AGBL4: variants seen among roughly 807,000 people sequenced by gnomAD.
AGBL4 encodes AGBL carboxypeptidase 4.
In AGBL4, 58 loss-of-function variants were observed where a neutral mutation model predicts 66.4. That is an observed-to-expected ratio of 0.87 (90% CI 0.71 to 1.09). The LOEUF is 1.09. AGBL4 is among the 50% of genes least tolerant of loss of function. The probability of loss-of-function intolerance (pLI) is 0.00; values close to 1 mark genes in which losing one functional copy is unlikely to be tolerated. For missense variants in AGBL4, 579 were observed against 631.0 expected, an observed-to-expected ratio of 0.92 and a Z score of 0.88; for synonymous variants, 234 against 222.9, an observed-to-expected ratio of 1.05 and a Z score of -0.44.
chr1:49,648,905 A>G (rs1477637759), intron 3 of AGBL4, among the ~76,000 whole-genome samples: 5 of 152,150 alleles, frequency 3.3e-5, no homozygotes, highest in Non-Finnish European at 4.4e-5. Flanking sequence ...GAACATAAAG[A>G]GCATCAGAGA....
intron 6 of AGBL4, among the ~76,000 whole-genome samples, chr1:48,840,578 A>G (rs1258918003): frequency 6.6e-6 from 1 of 152,194 alleles, no homozygotes; most frequent in Non-Finnish European, 1.5e-5. Flanking sequence ...ACAAGCTATC[A>G]CTACAGACCA....
chr1:48,832,106 A>T (rs561042409), intron 6 of AGBL4, among the ~76,000 whole-genome samples: 7 of 152,326 alleles, frequency 4.6e-5, no homozygotes, highest in African/African-American at 1.4e-4. Flanking sequence ...ACAAAGTAGA[A>T]GGGGTGCAGT....
chr1:49,690,051 A>C (rs887809099), intron 3 of AGBL4, among the ~76,000 whole-genome samples: 1 of 152,224 alleles, frequency 6.6e-6, no homozygotes, highest in Admixed American at 6.5e-5. Flanking sequence ...CTGATCAGTC[A>C]GCAGCCATGA....
At chr1:49,645,926 T>C (rs906112800) in intron 3 of AGBL4, among the ~76,000 whole-genome samples, 8 of 151,486 alleles carry the variant, frequency 5.3e-5, no homozygotes, top group Admixed American at 3.3e-4. Flanking sequence ...AAAAAACCCA[T>C]ATGATTACCT....
At chr1:49,996,920 A>G (rs1395664628) in intron 1 of AGBL4, among the ~76,000 whole-genome samples, 2 of 152,194 alleles carry the variant, frequency 1.3e-5, no homozygotes, top group Non-Finnish European at 2.9e-5. Context: ...CTCCTTGGGA[A>G]AAAAGCAATT....
intron 4 of AGBL4, among the ~76,000 whole-genome samples, chr1:49,086,054 C>T (rs1474259161): frequency 6.6e-6 from 1 of 152,204 alleles, no homozygotes; most frequent in African/African-American, 2.4e-5. Flanking sequence ...TATCTGAACT[C>T]AGGCAGTGGC....
chr1:48,826,982 A>C (rs1389542731), intron 6 of AGBL4, among the ~76,000 whole-genome samples: 1 of 152,110 alleles, frequency 6.6e-6, no homozygotes, highest in Non-Finnish European at 1.5e-5. Flanking sequence ...CCACTGCCTG[A>C]ATATTCTTTC....
At chr1:48,596,754 T>C (rs1444028093) in intron 9 of AGBL4, among the ~76,000 whole-genome samples, 1 of 152,108 alleles carries the variant, frequency 6.6e-6, no homozygotes, top group Non-Finnish European at 1.5e-5. Context: ...CCATAGCATA[T>C]ACATATATAT....
At chr1:49,008,445 A>G (rs920124068) in intron 5 of AGBL4, among the ~76,000 whole-genome samples, 65 of 149,718 alleles carry the variant, frequency 4.3e-4, no homozygotes, top group Non-Finnish European at 7.5e-4. Context: ...TTAACACCCC[A>G]CTGTCAACAT....
chr1:49,928,833 A>C (rs1215626917), intron 1 of AGBL4, among the ~76,000 whole-genome samples: 1 of 152,184 alleles, frequency 6.6e-6, no homozygotes, highest in African/African-American at 2.4e-5. Context: ...AAGAAAAAAA[A>C]AAAATCATTC....
chr1:49,291,205 A>C (rs534786231), intron 3 of AGBL4, among the ~76,000 whole-genome samples: 3 of 152,178 alleles, frequency 2.0e-5, no homozygotes, highest in Non-Finnish European at 4.4e-5. Flanking sequence ...CCTTCTCTCA[A>C]GGTATTTTAG....
chr1:49,410,164 C>T (rs1300196410), intron 3 of AGBL4, among the ~76,000 whole-genome samples: 1 of 152,158 alleles, frequency 6.6e-6, no homozygotes. Context: ...GGCACAGATG[C>T]ACCTGTGTCC....
intron 2 of AGBL4, among the ~76,000 whole-genome samples, chr1:49,714,011 C>T (rs1647881538): frequency 6.6e-6 from 1 of 152,044 alleles, no homozygotes; most frequent in South Asian, 2.1e-4. Flanking sequence ...TCTCTAAACA[C>T]TCTTCTAATT....
chr1:49,480,258 A>C (rs1646929131), intron 3 of AGBL4, among the ~76,000 whole-genome samples: 1 of 152,104 alleles, frequency 6.6e-6, no homozygotes, highest in Non-Finnish European at 1.5e-5. Flanking sequence ...CACCAACAAC[A>C]TGAAAGTATT....
At chr1:49,806,526 T>A (rs2147960330) in intron 2 of AGBL4, among the ~76,000 whole-genome samples, 1 of 152,180 alleles carries the variant, frequency 6.6e-6, no homozygotes, top group East Asian at 1.9e-4. Context: ...AATAAAAAAA[T>A]GAAGCAGAAC....
intron 3 of AGBL4, among the ~76,000 whole-genome samples, chr1:49,578,262 T>C (rs1436047464): frequency 6.6e-6 from 1 of 152,190 alleles, no homozygotes; most frequent in African/African-American, 2.4e-5. Flanking sequence ...AGAGTATGCA[T>C]GGAATACAGG....
intron 3 of AGBL4, among the ~76,000 whole-genome samples, chr1:49,427,855 G>A (rs1557931203): frequency 6.6e-6 from 1 of 152,206 alleles, no homozygotes; most frequent in Non-Finnish European, 1.5e-5. Flanking sequence ...ATTTTACAGA[G>A]TGCTGATTGG....
chr1:49,474,041 A>T (rs1433607602), intron 3 of AGBL4, among the ~76,000 whole-genome samples: 1 of 152,108 alleles, frequency 6.6e-6, no homozygotes, highest in Non-Finnish European at 1.5e-5. Flanking sequence ...GCCTTGTAGC[A>T]TAGTTTGAAG....
chr1:48,989,534 T>A (rs1660445572), intron 5 of AGBL4, among the ~76,000 whole-genome samples: 1 of 152,154 alleles, frequency 6.6e-6, no homozygotes, highest in Non-Finnish European at 1.5e-5. Flanking sequence ...CCAACTATCC[T>A]TCCAGCCTCT....
Sources: allele counts gnomAD v4.1 joint callset (sites outside exome capture counted in the v4.1 genomes callset), GRCh38; gene constraint gnomAD v4.1.1; transcripts MANE v1.5; gene names NCBI Gene and HGNC (gene_info 2026-07-23, HGNC 2026-07-21).